NPSR1: variants seen among roughly 807,000 people sequenced by gnomAD.
NPSR1 encodes neuropeptide S receptor.
In NPSR1, 48 loss-of-function variants were observed where a neutral mutation model predicts 46.9. The ratio of observed to expected loss-of-function variants is 1.02; its 90% CI spans 0.81 to 1.30. The LOEUF (loss-of-function observed/expected upper bound fraction) is 1.30, where lower values mean the gene tolerates loss of function less well. NPSR1 is among the 50% of genes most tolerant of loss of function. NPSR1 has a pLI of 0.00. For missense variants in NPSR1, 450 were observed against 449.5 expected (o/e 1.00, Z -0.01); for synonymous variants, 176 against 168.1 (o/e 1.05, Z -0.36).
intron 2 of NPSR1, among the ~76,000 whole-genome samples, chr7:34,689,599 T>C (rs1435640557): frequency 1.5e-4 from 7 of 46,514 alleles, no homozygotes; most frequent in Non-Finnish European, 2.2e-4. Flanking sequence ...AGCCAGACTC[T>C]GTCTCAAAAA....
chr7:34,784,932 A>G (rs1050044098), intron 3 of NPSR1, among the ~76,000 whole-genome samples: 16 of 152,110 alleles, frequency 1.1e-4, no homozygotes, highest in African/African-American at 2.4e-4. Context: ...CACTGTTGGC[A>G]GAACTGTAAA....
intron 2 of NPSR1, among the ~76,000 whole-genome samples, chr7:34,764,205 A>T (rs1786317331): frequency 6.6e-6 from 1 of 152,220 alleles, no homozygotes; most frequent in African/African-American, 2.4e-5. Flanking sequence ...ATTTGTATGT[A>T]TGCGTTATTT....
intron 3 of NPSR1, among the ~76,000 whole-genome samples, chr7:34,809,379 G>A (rs1466583827): frequency 6.6e-6 from 1 of 150,854 alleles, no homozygotes; most frequent in Non-Finnish European, 1.5e-5. Context: ...ATTTTAAGTT[G>A]AGGGGTACAT....
At chr7:34,805,479 CAAAAA>C (rs57776086) in intron 3 of NPSR1, among the ~76,000 whole-genome samples, 14 of 71,946 alleles carry the variant, frequency 1.9e-4, no homozygotes, top group Admixed American at 5.1e-4. Context: ...TATCCACATG[CAAAAA>C]AAAAAAAAAA....
Position 34,742,494 on chromosome 7 carries a change from T to C in NPSR1, c.281-35968T>C, listed in dbSNP as rs190425119. On this transcript the variant is annotated intron_variant, in intron 2 of 8. Transcript: ENST00000360581. ...TTCATCCATGTTCCCACAAAAGACA[T>C]GATCTCATTCTTTTTATGATTGCAT... 6.6e-5 allele frequency among the ~76,000 whole-genome samples: 10 copies of C among 152,348 alleles called. No individual in the cohort carries two copies. In the East Asian group the frequency reaches 1.7e-3, roughly 26 times the overall value.
chr7:34,766,310 A>T (rs1161441929), intron 2 of NPSR1, among the ~76,000 whole-genome samples: 1 of 152,126 alleles, frequency 6.6e-6, no homozygotes, highest in African/African-American at 2.4e-5. Context: ...GAAGTTAAAC[A>T]TATATTTACT....
intron 2 of NPSR1, among the ~76,000 whole-genome samples, chr7:34,776,898 C>G (rs1364740767): frequency 1.3e-5 from 2 of 152,188 alleles, no homozygotes; most frequent in East Asian, 3.9e-4. Context: ...TCAGAGCTGA[C>G]TAGTGCCCTC....
chr7:34,811,167 A>T (rs1371925213), intron 3 of NPSR1, among the ~76,000 whole-genome samples: 2 of 152,154 alleles, frequency 1.3e-5, no homozygotes, highest in Non-Finnish European at 2.9e-5. Context: ...GTCCTCGTCC[A>T]TAGGCCAGGA....
At chr7:34,726,417 C>T (rs937499807) in intron 2 of NPSR1, among the ~76,000 whole-genome samples, 7 of 152,130 alleles carry the variant, frequency 4.6e-5, no homozygotes, top group Non-Finnish European at 8.8e-5. Flanking sequence ...GGTGGGAATG[C>T]GAAATAGGAC....
intron 5 of NPSR1, among the ~76,000 whole-genome samples, chr7:34,830,885 A>G (rs1376633804): frequency 2.0e-5 from 3 of 152,092 alleles, no homozygotes; most frequent in East Asian, 3.9e-4. Flanking sequence ...AGCTCCAGCC[A>G]TGGAACAAAC....
chr7:34,678,224 T>C (rs1253216106), intron 1 of NPSR1, among the ~76,000 whole-genome samples: 1 of 112,978 alleles, frequency 8.9e-6, no homozygotes, highest in Non-Finnish European at 1.9e-5. Flanking sequence ...AATTCTTTTT[T>C]TTTTTTTTTT....
intron 2 of NPSR1, 82 bp downstream of exon 2, chr7:34,684,766 A>G: frequency 8.2e-7 from 1 of 1,219,596 alleles, no homozygotes; most frequent in Non-Finnish European, 1.1e-6. Context: ...TTTATCAAAA[A>G]AAAAAAAATG....
chr7:34,739,640 C>T (rs1300678743), intron 2 of NPSR1, among the ~76,000 whole-genome samples: 1 of 152,176 alleles, frequency 6.6e-6, no homozygotes, highest in African/African-American at 2.4e-5. Context: ...AGGGATGTGG[C>T]TTCCTGAGAG....
intron 3 of NPSR1, among the ~76,000 whole-genome samples, chr7:34,802,134 T>A (rs931414761): frequency 1.3e-5 from 2 of 150,368 alleles, no homozygotes; most frequent in Non-Finnish European, 2.9e-5. Context: ...AAAATGCCCA[T>A]ACTGCCCAAG....
chr7:34,659,499 G>A (rs1221322671), intron 1 of NPSR1, among the ~76,000 whole-genome samples: 1 of 152,138 alleles, frequency 6.6e-6, no homozygotes, highest in Non-Finnish European at 1.5e-5. Context: ...CAATGAGATA[G>A]CATTACTGTA....
chr7:34,802,121 G>A (rs565871529), intron 3 of NPSR1, among the ~76,000 whole-genome samples: 9 of 150,250 alleles, frequency 6.0e-5, no homozygotes, highest in South Asian at 2.1e-4. Flanking sequence ...AATCAATATC[G>A]TGAAAATGCC....
At chr7:34,797,465 T>A (rs547678132) in intron 3 of NPSR1, among the ~76,000 whole-genome samples, 2 of 152,276 alleles carry the variant, frequency 1.3e-5, no homozygotes, top group Admixed American at 1.3e-4. Flanking sequence ...TCTGCTCAAT[T>A]ATGTTATTAA....
In NPSR1 at chr7:34,744,058, A is replaced by G. The variant is rs547387761; in HGVS notation, c.281-34404A>G. ...CTTGCTGATTATTATTATGTATTCC[A>G]TCTTTAAATAAATAAGAGAACTTGC... On this transcript the variant is annotated intron_variant, in intron 2 of 8. Coordinates refer to ENST00000360581, the MANE Select transcript of NPSR1 (RefSeq NM_207172.2). 2.6e-5 allele frequency among the ~76,000 whole-genome samples: 4 copies of G among 152,282 alleles called. No homozygotes were observed. The South Asian group carries it at 6.2e-4, about 24-fold the overall frequency.
intron 6 of NPSR1, among the ~76,000 whole-genome samples, chr7:34,842,220 G>A (rs866996823): frequency 6.6e-6 from 1 of 152,164 alleles, no homozygotes; most frequent in Admixed American, 6.5e-5. Context: ...AACTGAAGCC[G>A]GGAACTTTAG....
Sources: gnomAD v4.1 joint callset for allele counts (sites outside exome capture counted in the v4.1 genomes callset) on GRCh38, gnomAD v4.1.1 for gene constraint, MANE v1.5 for transcripts, NCBI Gene and HGNC (gene_info 2026-07-23, HGNC 2026-07-21) for gene names.